ANGPT1: variants seen among roughly 807,000 people sequenced by gnomAD.
The protein encoded by ANGPT1 is angiopoietin-1.
ANGPT1 carries 17 observed loss-of-function variants against 62.2 expected under a neutral mutation model. That is an observed-to-expected ratio of 0.27 (90% CI 0.19 to 0.41). The LOEUF is 0.41. Ranked by LOEUF, ANGPT1 falls within the 10% of genes least tolerant of loss-of-function variation. ANGPT1 has a pLI of 1.00. For synonymous variants in ANGPT1, 199 were observed against 198.9 expected (o/e 1.00, Z 0.00); for missense variants, 478 against 594.9 (o/e 0.80, Z 2.04).
At position 107,347,121 on chromosome 8, in the gene ANGPT1, A is replaced by T. The variant is rs774784474; in HGVS notation, c.298-24T>A. 1.4e-5 allele frequency: 22 copies of T among 1,596,260 alleles called. No individual in the cohort carries two copies. In the African/African-American group the frequency reaches 2.7e-4, roughly 19 times the overall value. On this transcript the variant is annotated intron_variant, in intron 1 of 8. Transcript: ENST00000517746. ...AGCTGCAAGAGATAAAGAACAAAAC[A>T]TATTACATTATAAGCAAGGCCTCCC...
At chr8:107,496,671 GA>G (rs1369269694) in intron 1 of ANGPT1, among the ~76,000 whole-genome samples, 6 of 151,758 alleles carry the variant, frequency 4.0e-5, no homozygotes, top group Admixed American at 3.3e-4. Flanking sequence ...AAGGACAGAA[GA>G]AAAAAATATT....
intron 1 of ANGPT1, among the ~76,000 whole-genome samples, chr8:107,370,513 A>G (rs962924596): frequency 1.3e-5 from 2 of 150,638 alleles, no homozygotes; most frequent in Non-Finnish European, 3.0e-5. Context: ...ACATGGTGAA[A>G]CCAGCCTGCC....
At chr8:107,479,538 G>A (rs911002582) in intron 1 of ANGPT1, among the ~76,000 whole-genome samples, 1 of 152,142 alleles carries the variant, frequency 6.6e-6, no homozygotes, top group Non-Finnish European at 1.5e-5. Context: ...AAACCACTGG[G>A]AACTGAACAG....
intron 1 of ANGPT1, among the ~76,000 whole-genome samples, chr8:107,372,922 C>T (rs1816445801): frequency 6.6e-6 from 1 of 151,858 alleles, no homozygotes; most frequent in Non-Finnish European, 1.5e-5. Context: ...CTGCCTCAGT[C>T]TCCTCCTCTT....
chr8:107,398,414 G>T (rs1161028158), intron 1 of ANGPT1, among the ~76,000 whole-genome samples: 2 of 151,552 alleles, frequency 1.3e-5, no homozygotes, highest in South Asian at 2.1e-4. Context: ...TTTACTCAAA[G>T]ATTTGCTTGG....
chr8:107,387,994 G>T (rs1167474563), intron 1 of ANGPT1, among the ~76,000 whole-genome samples: 2 of 151,884 alleles, frequency 1.3e-5, no homozygotes, highest in African/African-American at 4.8e-5. Context: ...TTAAGAGTAT[G>T]AATAAGTTAG....
At chr8:107,393,573 G>T (rs1456684764) in intron 1 of ANGPT1, among the ~76,000 whole-genome samples, 1 of 152,156 alleles carries the variant, frequency 6.6e-6, no homozygotes, top group Non-Finnish European at 1.5e-5. Context: ...ACTTTGGGAG[G>T]TGGAGGCCAG....
At chr8:107,294,918 A>G (rs997348164) in intron 5 of ANGPT1, 1 of 152,108 alleles carries the variant, frequency 6.6e-6, no homozygotes, top group Admixed American at 6.6e-5. Flanking sequence ...GGGAAACACT[A>G]TTTCCTCAAC....
intron 7 of ANGPT1, among the ~76,000 whole-genome samples, chr8:107,271,904 TA>T (rs35257524): frequency 0.44 from 61,491 of 138,194 alleles, 13,226 homozygotes; most frequent in Non-Finnish European, 0.46. Context: ...TTGATACTGG[TA>T]AAAAAAAAAA....
chr8:107,363,383 A>G (rs994248464), intron 1 of ANGPT1, among the ~76,000 whole-genome samples: 1 of 152,226 alleles, frequency 6.6e-6, no homozygotes, highest in Non-Finnish European at 1.5e-5. Flanking sequence ...ACAGTTATCA[A>G]TAAGAAGACA....
intron 6 of ANGPT1, among the ~76,000 whole-genome samples, chr8:107,288,864 C>G (rs981408086): frequency 6.6e-6 from 1 of 152,060 alleles, no homozygotes; most frequent in Non-Finnish European, 1.5e-5. Flanking sequence ...CCAAAATAGG[C>G]TTACACATTA....
intron 8 of ANGPT1, among the ~76,000 whole-genome samples, chr8:107,262,850 T>C (rs1813524707): frequency 6.6e-6 from 1 of 152,306 alleles, no homozygotes; most frequent in Admixed American, 6.5e-5. Flanking sequence ...TCATTTGCCA[T>C]TGGGTTTTAT....
intron 1 of ANGPT1, among the ~76,000 whole-genome samples, chr8:107,484,865 G>A (rs1221427041): frequency 6.6e-6 from 1 of 152,182 alleles, no homozygotes; most frequent in African/African-American, 2.4e-5. Flanking sequence ...AATGCAAGCT[G>A]TACAACTAAA....
chr8:107,290,327 A>G (rs746198379), intron 6 of ANGPT1, among the ~76,000 whole-genome samples: 1 of 152,164 alleles, frequency 6.6e-6, no homozygotes, highest in Non-Finnish European at 1.5e-5. Context: ...TTGCCCAAGG[A>G]AGAAATGTAG....
At chr8:107,406,002 T>C (rs1182489315) in intron 1 of ANGPT1, among the ~76,000 whole-genome samples, 3 of 151,986 alleles carry the variant, frequency 2.0e-5, no homozygotes, top group Non-Finnish European at 4.4e-5. Context: ...TAATTTCTAC[T>C]CTCACCAGTG....
intron 1 of ANGPT1, among the ~76,000 whole-genome samples, chr8:107,437,953 C>T (rs1330270486): frequency 6.6e-6 from 1 of 152,152 alleles, no homozygotes; most frequent in Non-Finnish European, 1.5e-5. Flanking sequence ...CTGGAGGATG[C>T]TGCCCTCCAG....
intron 1 of ANGPT1, among the ~76,000 whole-genome samples, chr8:107,419,179 T>C (rs1241509889): frequency 6.6e-6 from 1 of 152,052 alleles, no homozygotes; most frequent in Non-Finnish European, 1.5e-5. Context: ...AAACTCCTAT[T>C]TTGATAGGGT....
chr8:107,294,496 T>A (rs1478814253), intron 5 of ANGPT1: 1 of 152,822 alleles, frequency 6.5e-6, no homozygotes, highest in African/African-American at 2.4e-5. Flanking sequence ...AAATATAATG[T>A]CTTTAACTAT....
intron 8 of ANGPT1, among the ~76,000 whole-genome samples, chr8:107,257,284 A>G (rs180899680): frequency 2.0e-5 from 3 of 152,284 alleles, no homozygotes; most frequent in Admixed American, 6.5e-5. Context: ...TTTACACTTA[A>G]CTCATTAAAA....
Sources: allele counts gnomAD v4.1 joint callset (sites outside exome capture counted in the v4.1 genomes callset), GRCh38; gene constraint gnomAD v4.1.1; transcripts MANE v1.5; gene names NCBI Gene and HGNC (gene_info 2026-07-23, HGNC 2026-07-21).